The following SGCD variants were observed in gnomAD, a reference collection of about 807,000 sequenced individuals.
The protein encoded by SGCD is delta-sarcoglycan.
A neutral mutation model predicts 36.6 loss-of-function variants in SGCD; 18 were observed. The ratio of observed to expected loss-of-function variants is 0.49; its 90% CI spans 0.34 to 0.73. SGCD has a LOEUF of 0.73. Ranked by LOEUF, SGCD falls within the 30% of genes least tolerant of loss-of-function variation. The probability of loss-of-function intolerance (pLI) is 0.01; values close to 1 mark genes in which losing one functional copy is unlikely to be tolerated. For synonymous variants in SGCD, 133 were observed against 130.6 expected, an observed-to-expected ratio of 1.02 and a Z score of -0.12; for missense variants, 387 against 346.7, an observed-to-expected ratio of 1.12 and a Z score of -0.92.
chr5:156,655,713 A>G (rs934091301), intron 7 of SGCD, among the ~76,000 whole-genome samples: 130 of 152,278 alleles, frequency 8.5e-4, no homozygotes, highest in African/African-American at 3.1e-3. Context: ...CACTGTAACC[A>G]TCCCTTGAAA....
At chr5:156,404,981 C>A (rs532179778) in intron 3 of SGCD, among the ~76,000 whole-genome samples, 1 of 152,196 alleles carries the variant, frequency 6.6e-6, no homozygotes, top group South Asian at 2.1e-4. Flanking sequence ...ATTAAGGCTA[C>A]TAATCAATTG....
chr5:156,228,152 T>C (rs1016554517), intron 3 of SGCD, among the ~76,000 whole-genome samples: 3 of 152,196 alleles, frequency 2.0e-5, no homozygotes, highest in Admixed American at 2.0e-4. Flanking sequence ...ATGTATCTGT[T>C]AAGTCTATTT....
intron 3 of SGCD, among the ~76,000 whole-genome samples, chr5:156,366,194 C>A (rs114794130): frequency 0.013 from 1,941 of 152,260 alleles, 48 homozygotes; most frequent in African/African-American, 0.045. Context: ...GAAGAGAGGG[C>A]ATGTGGAGTC....
At chr5:156,610,507 G>C (rs935593944) in intron 6 of SGCD, among the ~76,000 whole-genome samples, 3 of 152,242 alleles carry the variant, frequency 2.0e-5, no homozygotes, top group African/African-American at 7.2e-5. Flanking sequence ...ACTTGAGGGG[G>C]CAGTCTGTCC....
chr5:155,819,413 G>A, the SGCD span, among the ~76,000 whole-genome samples: 1 of 152,064 alleles, frequency 6.6e-6, no homozygotes, highest in Non-Finnish European at 1.5e-5. Context: ...GGTGTCTGGG[G>A]GAGTAGAAAT....
In SGCD at chr5:156,048,440, CA is replaced by C. The variant is rs548187645; in HGVS notation, c.-281-69437del. On this transcript the variant is annotated intron_variant, in intron 1 of 9. Coordinates refer to the SGCD transcript ENST00000517913. ...TTGAACTAGTTTACAGTCCCACCAA[CA>C]GTGTCAAAGTGTTCCTATTTCTCCA... Among the ~76,000 whole-genome samples, 9 of 152,340 alleles carry C rather than the reference CA, an allele frequency of 5.9e-5. No individual in the cohort carries two copies. In the South Asian group the frequency reaches 1.9e-3, roughly 32 times the overall value.
At chr5:155,963,133 T>A (rs12332719) in intron 1 of SGCD, among the ~76,000 whole-genome samples, 3,779 of 152,186 alleles carry the variant, frequency 0.025, 158 homozygotes, top group African/African-American at 0.081. Flanking sequence ...AAGAGTGCCT[T>A]ATGCACCACC....
At chr5:156,435,086 T>C (rs2127790726) in intron 3 of SGCD, among the ~76,000 whole-genome samples, 1 of 152,354 alleles carries the variant, frequency 6.6e-6, no homozygotes, top group East Asian at 1.9e-4. Flanking sequence ...ACTTAACTCA[T>C]TTTATCCCCA....
intron 2 of SGCD, among the ~76,000 whole-genome samples, chr5:156,341,678 C>A (rs1480930882): frequency 6.6e-6 from 1 of 152,082 alleles, no homozygotes; most frequent in Middle Eastern, 3.2e-3. Context: ...TGTTACTTAA[C>A]CTGAGTACAG....
At chr5:156,108,315 T>C (rs1761698866) in intron 1 of SGCD, among the ~76,000 whole-genome samples, 1 of 152,198 alleles carries the variant, frequency 6.6e-6, no homozygotes. Flanking sequence ...CAGTTATGTA[T>C]AGGATTTAAC....
the SGCD span, among the ~76,000 whole-genome samples, chr5:155,770,543 T>A: frequency 1.3e-5 from 2 of 152,116 alleles, no homozygotes; most frequent in African/African-American, 4.8e-5. Flanking sequence ...GTAGTAGCCT[T>A]AAAAGTTAGG....
At chr5:156,068,624 T>C (rs950802296) in intron 1 of SGCD, among the ~76,000 whole-genome samples, 3 of 151,786 alleles carry the variant, frequency 2.0e-5, no homozygotes, top group Admixed American at 6.6e-5. Context: ...TTATAGTCCT[T>C]TGGGTATATA....
chr5:156,487,644 C>T (rs1755734612), intron 3 of SGCD, among the ~76,000 whole-genome samples: 1 of 151,312 alleles, frequency 6.6e-6, no homozygotes, highest in Non-Finnish European at 1.5e-5. Flanking sequence ...AAAAATTAGC[C>T]AGGCGTGGTG....
At chr5:156,680,105 G>A (rs1753665606) in intron 7 of SGCD, among the ~76,000 whole-genome samples, 1 of 152,040 alleles carries the variant, frequency 6.6e-6, no homozygotes, top group African/African-American at 2.4e-5. Context: ...AAACTTTAAG[G>A]GAAAATAATT....
chr5:156,504,556 C>G (rs545617373), intron 3 of SGCD, among the ~76,000 whole-genome samples: 1 of 152,136 alleles, frequency 6.6e-6, no homozygotes, highest in Admixed American at 6.5e-5. Flanking sequence ...GCAAGAACTA[C>G]ATCATATTCC....
At chr5:155,867,033 C>T (rs1373161647), upstream of SGCD, among the ~76,000 whole-genome samples, 2 of 152,048 alleles carry the variant, frequency 1.3e-5, no homozygotes, top group Admixed American at 6.5e-5. Flanking sequence ...AGTGGAGTCT[C>T]CATTTGGCCG....
chr5:156,159,185 AGCCTTAAAAAATGTCTAGT>A (rs1306202269), intron 3 of SGCD, among the ~76,000 whole-genome samples: 7 of 151,660 alleles, frequency 4.6e-5, no homozygotes, highest in African/African-American at 1.7e-4. Context: ...ATAACCAAAG[AGCCTTAAAAAATGTCTAGT>A]GCTATGTGTG....
intron 6 of SGCD, among the ~76,000 whole-genome samples, chr5:156,643,033 T>G (rs1763094881): frequency 3.4e-5 from 1 of 29,082 alleles, no homozygotes; most frequent in South Asian, 1.2e-3. Context: ...TGTTTTTTTT[T>G]TTGTTTGTTT....
intron 1 of SGCD, among the ~76,000 whole-genome samples, chr5:155,984,967 C>T (rs1210488092): frequency 6.6e-6 from 1 of 152,208 alleles, no homozygotes; most frequent in African/African-American, 2.4e-5. Context: ...AAACTTACCA[C>T]TATGCACCTG....
Sources: gnomAD v4.1 joint callset for allele counts (sites outside exome capture counted in the v4.1 genomes callset) on GRCh38, gnomAD v4.1.1 for gene constraint, MANE v1.5 for transcripts, NCBI Gene and HGNC (gene_info 2026-07-23, HGNC 2026-07-21) for gene names.